HSPA4: variants seen among roughly 807,000 people sequenced by gnomAD.
The protein encoded by HSPA4 is heat shock protein family A (Hsp70) member 4.
Under a neutral mutation model 106.2 loss-of-function variants are expected in HSPA4, and 25 were observed. That is an observed-to-expected ratio of 0.24 (90% CI 0.17 to 0.33). HSPA4 has a LOEUF of 0.33. Among genes scored for constraint, HSPA4 ranks in the 10% least tolerant of loss-of-function variants. The pLI is 1.00. For missense variants in HSPA4, 841 were observed against 996.0 expected (o/e 0.84, Z 2.10); for synonymous variants, 332 against 333.6 (o/e 1.00, Z 0.05).
intron 1 of HSPA4, 25 bp from the exon 2 acceptor site, chr5:133,064,954 TC>T (rs746634878): frequency 1.2e-6 from 2 of 1,601,732 alleles, no homozygotes; most frequent in Non-Finnish European, 1.7e-6. Flanking sequence ...AAGATTTAAT[TC>T]TTAAGTGCTT....
rs1340829845 is a variant in HSPA4, at chr5:133,088,497, A to G, written c.1079A>G (p.Lys360Arg). 6.2e-7 allele frequency: 1 copy of G among 1,613,852 alleles called. No individual in the cohort carries two copies. Among genetic ancestry groups the G allele is most frequent in the African/African-American group, 1.3e-5 (1 of 74,910 alleles). The change falls in exon 9 of 19, where the codon AAA (lysine) becomes AGA (arginine). Residue 360 changes from lysine (K) to arginine (R), a missense_variant. This residue lies in a region of HSPA4 where 162 missense variants were observed against 177.7 expected (regional missense o/e 0.91). Transcript: ENST00000304858. ...VKEKISKFFG[K>R]ELSTTLNADE... ...GAGAAGATCAGCAAATTTTTCGGTA[A>G]AGAACTTAGTACAACATTAAATGCT...
chr5:133,052,414 A>G (rs1581460284), intron 1 of HSPA4, 57 bp downstream of exon 1: 1 of 1,160,500 alleles, frequency 8.6e-7, no homozygotes, highest in Non-Finnish European at 1.2e-6. Context: ...TGCTTGTTCC[A>G]GTCTGGGACC....
At chr5:133,072,392 GTTTTTTTTT>G (rs748459297) in intron 4 of HSPA4, among the ~76,000 whole-genome samples, 5 of 75,726 alleles carry the variant, frequency 6.6e-5, no homozygotes, top group South Asian at 1.1e-3. Context: ...GTCCAGGGTT[GTTTTTTTTT>G]TTTTTTTTTT....
intron 16 of HSPA4, 43 bp from the exon 17 acceptor site, chr5:133,101,716 A>T (rs1163724248): frequency 5.0e-6 from 8 of 1,586,266 alleles, no homozygotes; most frequent in Non-Finnish European, 6.9e-6. Flanking sequence ...AGTACTCTGG[A>T]TCGTTGAACT....
chr5:133,097,552 T>TC (rs1241087368), intron 15 of HSPA4, among the ~76,000 whole-genome samples: 25 of 149,016 alleles, frequency 1.7e-4, no homozygotes, highest in Admixed American at 6.7e-4. Flanking sequence ...TTCTTTTCTT[T>TC]TTTTTTTTTT....
chr5:133,059,260 C>A (rs1765206046), intron 1 of HSPA4, among the ~76,000 whole-genome samples: 1 of 151,718 alleles, frequency 6.6e-6, no homozygotes, highest in Non-Finnish European at 1.5e-5. Flanking sequence ...CCAGCCTGGC[C>A]AAGATGGGGA....
intron 17 of HSPA4, among the ~76,000 whole-genome samples, chr5:133,103,314 C>T (rs937091322): frequency 1.3e-5 from 2 of 151,840 alleles, no homozygotes; most frequent in African/African-American, 4.8e-5. Flanking sequence ...GCCTCAGCCT[C>T]CCATAGTGCT....
At chr5:133,066,916 A>G (rs1200912033) in intron 2 of HSPA4, among the ~76,000 whole-genome samples, 3 of 151,820 alleles carry the variant, frequency 2.0e-5, no homozygotes, top group Admixed American at 6.6e-5. Flanking sequence ...GCGTTTCACC[A>G]TGTTGGTCAG....
At chr5:133,101,584 G>GT in intron 16 of HSPA4, 175 bp from the exon 17 acceptor site, 1 of 575,804 alleles carries the variant, frequency 1.7e-6, no homozygotes, top group Non-Finnish European at 3.0e-6. Flanking sequence ...CAGTGTTGAG[G>GT]TATAGTTTCA....
At chr5:133,101,499 G>T in intron 16 of HSPA4, 1 of 348,166 alleles carries the variant, frequency 2.9e-6, no homozygotes, top group Non-Finnish European at 5.2e-6. Context: ...TCCATTAGGA[G>T]GCACCTAATT....
At chr5:133,080,307 C>T (rs770939055) in intron 7 of HSPA4, among the ~76,000 whole-genome samples, 5 of 148,416 alleles carry the variant, frequency 3.4e-5, no homozygotes, top group Admixed American at 6.9e-5. Flanking sequence ...ACCGGCTACT[C>T]GGGAGGCGGA....
At chr5:133,091,110 A>C (rs776104302) in intron 11 of HSPA4, 83 bp from the exon 12 acceptor site, 1 of 1,135,364 alleles carries the variant, frequency 8.8e-7, no homozygotes, top group Non-Finnish European at 1.3e-6. Context: ...GAAAGTAGAC[A>C]TAATCTAGCA....
chr5:133,068,020 G>A (rs1478269520), intron 3 of HSPA4, among the ~76,000 whole-genome samples: 2 of 151,342 alleles, frequency 1.3e-5, no homozygotes, highest in African/African-American at 2.4e-5. Context: ...AGCCTACCAA[G>A]TAGCTGGGAT....
At chr5:133,064,902 C>A in intron 1 of HSPA4, 78 bp from the exon 2 acceptor site, 2 of 1,219,914 alleles carry the variant, frequency 1.6e-6, no homozygotes, top group Non-Finnish European at 2.4e-6. Context: ...TTAGCTGATA[C>A]TCAGATCTTG....
chr5:133,071,455 T>C (rs1765380295), intron 4 of HSPA4, among the ~76,000 whole-genome samples: 1 of 147,404 alleles, frequency 6.8e-6, no homozygotes, highest in African/African-American at 2.4e-5. Flanking sequence ...CTCAAAAAAC[T>C]TATCCAAAAA....
intron 1 of HSPA4, among the ~76,000 whole-genome samples, chr5:133,056,510 A>G (rs1581462461): frequency 6.6e-6 from 1 of 152,252 alleles, no homozygotes; most frequent in Non-Finnish European, 1.5e-5. Flanking sequence ...GTCTCAAGTG[A>G]TCCGCCCGCC....
intron 1 of HSPA4, among the ~76,000 whole-genome samples, chr5:133,062,963 C>T (rs78868341): frequency 6.6e-6 from 1 of 152,208 alleles, no homozygotes; most frequent in East Asian, 1.9e-4. Context: ...CAGTATGGTT[C>T]CAGAGCTCTT....
intron 13 of HSPA4, among the ~76,000 whole-genome samples, chr5:133,093,792 A>G (rs1471988691): frequency 2.0e-5 from 3 of 152,126 alleles, no homozygotes; most frequent in Non-Finnish European, 4.4e-5. Flanking sequence ...CAAAATAACA[A>G]CTTTTAATAA....
intron 7 of HSPA4, among the ~76,000 whole-genome samples, chr5:133,079,486 C>G (rs1765488465): frequency 2.0e-5 from 3 of 152,066 alleles, no homozygotes; most frequent in Non-Finnish European, 4.4e-5. Flanking sequence ...TTTTTTTGGG[C>G]AGATATTATT....
Sources: gnomAD v4.1 joint callset for allele counts (sites outside exome capture counted in the v4.1 genomes callset) on GRCh38, gnomAD v4.1.1 for gene constraint, gnomAD v4.1.1 regional missense constraint, MANE v1.5 for transcripts, NCBI Gene and HGNC (gene_info 2026-07-23, HGNC 2026-07-21) for gene names.